CMIP: variants seen among roughly 807,000 people sequenced by gnomAD.
CMIP encodes c-Maf inducing protein, also known as C-Maf-inducing protein.
In CMIP, 13 loss-of-function variants were observed where a neutral mutation model predicts 97.3. The observed-to-expected ratio is 0.13, with a 90% CI of 0.09 to 0.21. The LOEUF is 0.21. Ranked by LOEUF, CMIP falls within the 10% of genes least tolerant of loss-of-function variation. The pLI is 1.00. For synonymous variants in CMIP, 538 were observed against 436.3 expected, an observed-to-expected ratio of 1.23 and a Z score of -2.91; for missense variants, 847 against 1,024.9, an observed-to-expected ratio of 0.83 and a Z score of 2.37.
intron 5 of CMIP, 37 bp from the exon 6 acceptor site, chr16:81,660,847 A>AC (rs1412782427): frequency 6.2e-7 from 1 of 1,611,826 alleles, no homozygotes; most frequent in East Asian, 2.2e-5. Context: ...GTGGCTATCT[A>AC]CCCCACGGTT....
At chr16:81,520,338 C>G (rs1366089127) in intron 1 of CMIP, 1 of 152,194 alleles carries the variant, frequency 6.6e-6, no homozygotes, top group Non-Finnish European at 1.5e-5. Context: ...GATCCCACTT[C>G]TTGAACAATG....
intron 1 of CMIP, among the ~76,000 whole-genome samples, chr16:81,488,348 A>G (rs576339889): frequency 6.6e-6 from 1 of 152,280 alleles, no homozygotes; most frequent in African/African-American, 2.4e-5. Flanking sequence ...CCTGTGCCTC[A>G]GTTTCCCTGT....
At chr16:81,590,152 G>A (rs1474584903) in intron 1 of CMIP, among the ~76,000 whole-genome samples, 1 of 152,198 alleles carries the variant, frequency 6.6e-6, no homozygotes, top group Non-Finnish European at 1.5e-5. Context: ...GACACTTGGC[G>A]GGGAACCCTG....
chr16:81,674,757 T>G (rs773313493), intron 9 of CMIP, among the ~76,000 whole-genome samples: 1 of 152,160 alleles, frequency 6.6e-6, no homozygotes, highest in Non-Finnish European at 1.5e-5. Context: ...GGCTAATCTT[T>G]GTATTTTTAG....
chr16:81,450,296 A>G (rs568512822), intron 1 of CMIP, among the ~76,000 whole-genome samples: 3 of 152,310 alleles, frequency 2.0e-5, no homozygotes, highest in Admixed American at 6.5e-5. Context: ...GCAGCCTGAT[A>G]TGGGGCATCT....
chr16:81,593,171 G>A (rs182388868), intron 1 of CMIP, among the ~76,000 whole-genome samples: 7 of 152,300 alleles, frequency 4.6e-5, no homozygotes, highest in South Asian at 2.1e-4. Flanking sequence ...CCTCTTGACC[G>A]TCTCCACAGA....
intron 1 of CMIP, among the ~76,000 whole-genome samples, chr16:81,478,324 A>G (rs2150753945): frequency 6.6e-6 from 1 of 152,326 alleles, no homozygotes; most frequent in African/African-American, 2.4e-5. Flanking sequence ...CGTAGAGTAG[A>G]ACAGGGAGCC....
intron 1 of CMIP, among the ~76,000 whole-genome samples, chr16:81,516,775 A>G (rs2089922329): frequency 6.6e-6 from 1 of 152,264 alleles, no homozygotes; most frequent in South Asian, 2.1e-4. Flanking sequence ...CGAAGCATCT[A>G]GGCATCTGTC....
At chr16:81,452,816 C>T (rs1906303508) in intron 1 of CMIP, among the ~76,000 whole-genome samples, 2 of 151,530 alleles carry the variant, frequency 1.3e-5, no homozygotes, top group Admixed American at 6.6e-5. Context: ...ACAGGCAGCT[C>T]CTTGCCCCGT....
intron 3 of CMIP, among the ~76,000 whole-genome samples, chr16:81,635,576 C>T (rs1043446576): frequency 6.6e-6 from 1 of 152,188 alleles, no homozygotes; most frequent in African/African-American, 2.4e-5. Context: ...CCCACAAAAC[C>T]TGTCTGTATC....
rs1210311943 is a variant in CMIP at position 81,711,583 on chromosome 16, T to TAAAAAA, written c.*1786_*1791dup. 9.5e-6 allele frequency: 1 copy of TAAAAAA among 105,280 alleles called. No individual in the cohort carries two copies. Among genetic ancestry groups the TAAAAAA allele is most frequent in the Non-Finnish European group, 2.0e-5 (1 of 49,360 alleles). The allele number at this position is 105,280 out of a possible 1,614,324, so 6.5% of individuals were successfully genotyped here. A position where few individuals can be genotyped will look rare whatever the true frequency, so the allele number is the denominator to read the frequency against. On this transcript the variant is annotated 3_prime_UTR_variant, in exon 21 of 21. Transcript: ENST00000537098. Reference sequence around the variant, plus strand: ...GAAGCAGAAGCAAAAAAAATAAAAATAAAAAAATAAATAAAAATAAAAAAA... The same window carrying TAAAAAA: ...GAAGCAGAAGCAAAAAAAATAAAAATAAAAAAAAAAAAATAAATAAAAATAAAAAAA...
At chr16:81,513,381 C>CAT (rs1446481395) in intron 1 of CMIP, among the ~76,000 whole-genome samples, 1 of 152,208 alleles carries the variant, frequency 6.6e-6, no homozygotes, top group Non-Finnish European at 1.5e-5. Context: ...GGGCCCCACG[C>CAT]ATAGTAGGTG....
At chr16:81,704,981 A>G (rs1418585046) in intron 18 of CMIP, among the ~76,000 whole-genome samples, 2 of 151,826 alleles carry the variant, frequency 1.3e-5, no homozygotes, top group Non-Finnish European at 2.9e-5. Context: ...TCTTTTTGTT[A>G]TAGTAACACC....
intron 1 of CMIP, among the ~76,000 whole-genome samples, chr16:81,451,873 G>T (rs1906236392): frequency 6.6e-6 from 1 of 152,226 alleles, no homozygotes; most frequent in South Asian, 2.1e-4. Flanking sequence ...GAGGAAGTGA[G>T]AGTTTCTCTT....
intron 3 of CMIP, among the ~76,000 whole-genome samples, chr16:81,647,655 GC>G (rs928511390): frequency 2.6e-5 from 4 of 152,130 alleles, no homozygotes; most frequent in Non-Finnish European, 4.4e-5. Context: ...AAAGCTGAGG[GC>G]CAGCCTCCAG....
At chr16:81,524,341 G>T (rs1388736424) in intron 1 of CMIP, among the ~76,000 whole-genome samples, 8 of 152,242 alleles carry the variant, frequency 5.3e-5, no homozygotes, top group Non-Finnish European at 1.2e-4. Context: ...GAGGGGCAGA[G>T]ACTGTCTACA....
intron 20 of CMIP, among the ~76,000 whole-genome samples, chr16:81,709,297 G>A (rs1305800686): frequency 6.6e-6 from 1 of 152,150 alleles, no homozygotes; most frequent in East Asian, 1.9e-4. Flanking sequence ...TCCTTTCATA[G>A]GGCATATACG....
intron 1 of CMIP, among the ~76,000 whole-genome samples, chr16:81,590,584 G>A (rs1272043286): frequency 6.6e-6 from 1 of 152,130 alleles, no homozygotes; most frequent in Non-Finnish European, 1.5e-5. Context: ...CGGCAAATTT[G>A]TCCTCTGGGA....
intron 1 of CMIP, among the ~76,000 whole-genome samples, chr16:81,582,114 G>A (rs558348692): frequency 1.3e-5 from 2 of 152,018 alleles, no homozygotes; most frequent in African/African-American, 2.4e-5. Flanking sequence ...TCACTATCAC[G>A]CCAACAATAC....
Sources: gnomAD v4.1 joint callset for allele counts (sites outside exome capture counted in the v4.1 genomes callset) on GRCh38, gnomAD v4.1.1 for gene constraint, MANE v1.5 for transcripts, NCBI Gene and HGNC (gene_info 2026-07-23, HGNC 2026-07-21) for gene names.